MAPKBP1: variants seen among roughly 807,000 people sequenced by gnomAD.
The protein encoded by MAPKBP1 is mitogen-activated protein kinase-binding protein 1.
A neutral mutation model predicts 170.5 loss-of-function variants in MAPKBP1; 71 were observed. The ratio of observed to expected loss-of-function variants is 0.42; its 90% CI spans 0.34 to 0.51. MAPKBP1 has a LOEUF of 0.51. Ranked by LOEUF, MAPKBP1 falls within the 20% of genes least tolerant of loss-of-function variation. MAPKBP1 has a pLI of 0.06. For missense variants in MAPKBP1, 1,598 were observed against 1,933.0 expected, an observed-to-expected ratio of 0.83 and a Z score of 3.25; for synonymous variants, 719 against 757.9, an observed-to-expected ratio of 0.95 and a Z score of 0.84.
intron 2 of MAPKBP1, among the ~76,000 whole-genome samples, chr15:41,776,540 A>G (rs1048700115): frequency 9.2e-5 from 14 of 152,200 alleles, no homozygotes; most frequent in African/African-American, 3.1e-4. Context: ...TCTCTTATTC[A>G]TCATTGTTTC....
intron 21 of MAPKBP1, 44 bp from the exon 22 acceptor site, chr15:41,819,551 G>GGGGGA (rs1555454038): frequency 6.6e-6 from 10 of 1,515,396 alleles, no homozygotes; most frequent in Middle Eastern, 1.8e-4. Context: ...GGGTGGCGGG[G>GGGGGA]GGGGGGCAGG....
rs1596102170 is a variant in MAPKBP1 at position 41,823,962 on chromosome 15, C to T, written c.4114C>T (p.Leu1372Phe). 3 of 1,614,156 alleles carry T rather than the reference C, an allele frequency of 1.9e-6. No homozygotes were observed. The highest frequency in any genetic ancestry group is 2.2e-5 in the East Asian group (1 of 44,872). ...TGCCCAGCAACTGCCAGTCAGCAGC[C>T]TCTTCCAAGGCCCTGAAAACTTGCA... ...PCAQQLPVSS[L>F]FQGPENLQPP... The change falls in exon 29 of 31, where the codon CTC (leucine) becomes TTC (phenylalanine). Residue 1372 changes from leucine to phenylalanine, a missense_variant. Physicochemically the swap from Leu to Phe is conservative, Grantham distance 22. Around this residue, in one of 6 missense-constraint regions of MAPKBP1, gnomAD observed 942 missense variants for 953.2 expected, o/e 0.99. Coordinates refer to ENST00000457542, the MANE Select transcript of MAPKBP1 (RefSeq NM_014994.3).
chr15:41,774,927 C>CA (rs1395297165), intron 1 of MAPKBP1: 30 of 473,226 alleles, frequency 6.3e-5, no homozygotes, highest in Non-Finnish European at 8.1e-5. Context: ...AACTGGGGCC[C>CA]ATCCCATCCA....
chr15:41,800,954 C>T (rs28754734), intron 3 of MAPKBP1, among the ~76,000 whole-genome samples: 42,404 of 150,388 alleles, frequency 0.28, 7,031 homozygotes, highest in Admixed American at 0.37. Context: ...AGGCTAGTTT[C>T]GAACTCCTGG....
intron 3 of MAPKBP1, among the ~76,000 whole-genome samples, chr15:41,803,479 G>A (rs998507965): frequency 6.7e-6 from 1 of 150,056 alleles, no homozygotes. Context: ...GCCAAGGTGG[G>A]AGGATTGCTT....
At position 41,820,877 on chromosome 15, in the gene MAPKBP1, C is replaced by G; in HGVS notation, c.2527C>G (p.Pro843Ala). Residue 843 changes from proline (P) to alanine (A), a missense_variant, in exon 23 of 31, where the codon CCA (proline) becomes GCA (alanine). Pro to Ala is a conservative substitution (Grantham distance 27, BLOSUM62 -1). Coordinates refer to ENST00000457542, the MANE Select transcript of MAPKBP1 (RefSeq NM_014994.3). The stretch of plus-strand genomic sequence containing the variant: ...CCTGGACCCAGCTCCTGCAGCCAAC[C>G]CAGGACCCAGAAGAAGAGGGCGCTG... ...GFLDPAPAANPGPRRRGRWVQ... is the reference protein window; with the variant it reads ...GFLDPAPAANAGPRRRGRWVQ... The G allele has an allele frequency of 6.2e-7, 1 of 1,614,082 alleles. No homozygotes were observed. The highest frequency in any genetic ancestry group is 8.5e-7 in the Non-Finnish European group (1 of 1,179,970).
chr15:41,774,953 G>C (rs2064071854), intron 1 of MAPKBP1: 1 of 477,214 alleles, frequency 2.1e-6, no homozygotes, highest in African/African-American at 2.0e-5. Flanking sequence ...CCAGTTAAAC[G>C]CCTCTGGCGG....
chr15:41,799,054 G>A (rs1045140220), intron 2 of MAPKBP1, among the ~76,000 whole-genome samples: 21 of 152,168 alleles, frequency 1.4e-4, no homozygotes, highest in African/African-American at 3.9e-4. Context: ...AGGTTAGTTC[G>A]TGTGGGTCCT....
At position 41,817,713 on chromosome 15, in the gene MAPKBP1, G is replaced by A; in HGVS notation, c.1882G>A (p.Gly628Ser). 3 of 1,613,934 alleles carry A rather than the reference G, an allele frequency of 1.9e-6. No individual in the cohort carries two copies. The highest frequency in any genetic ancestry group is 2.5e-6 in the Non-Finnish European group (3 of 1,179,912). The change falls in exon 16 of 31, where the codon GGC becomes AGC. Residue 628 changes from glycine to serine, a missense_variant. Transcript: ENST00000457542. This position sits in a 1 kb window ranked among gnomAD's most constrained non-coding sequence, Gnocchi z 4.2. ...GCCCAGCTGGAAGTACACGGCTATC[G>A]GCTGCCAGGACCGAAATATTCGGTG... ...VEPSWKYTAI[G>S]CQDRNIRIFN... is the part of the protein sequence containing the mutation.
intron 2 of MAPKBP1, among the ~76,000 whole-genome samples, chr15:41,780,177 A>G (rs1012694995): frequency 6.6e-6 from 1 of 152,118 alleles, no homozygotes; most frequent in African/African-American, 2.4e-5. Context: ...TCTCTCTTTC[A>G]GTTTGCAATT....
intron 3 of MAPKBP1, among the ~76,000 whole-genome samples, chr15:41,807,222 C>T (rs2064713667): frequency 6.6e-6 from 1 of 151,948 alleles, no homozygotes; most frequent in South Asian, 2.1e-4. Context: ...AGTGTTCCTA[C>T]ACACACACAC....
intron 10 of MAPKBP1, 152 bp from the exon 11 acceptor site, chr15:41,815,107 A>G: frequency 1.2e-6 from 1 of 809,914 alleles, no homozygotes; most frequent in Non-Finnish European, 2.0e-6. Flanking sequence ...GTCATGTTGA[A>G]GGGTATATAC....
chr15:41,821,216 G>A, intron 23 of MAPKBP1, 148 bp downstream of exon 23: 1 of 777,182 alleles, frequency 1.3e-6, no homozygotes, highest in Non-Finnish European at 2.1e-6. Context: ...CAGGATGGGG[G>A]TGGCTGGGCT....
At chr15:41,776,825 TCCA>T (rs2064106465) in intron 2 of MAPKBP1, among the ~76,000 whole-genome samples, 1 of 152,238 alleles carries the variant, frequency 6.6e-6, no homozygotes, top group Non-Finnish European at 1.5e-5. Flanking sequence ...CTTTAAGACT[TCCA>T]ATATCATCCA....
intron 11 of MAPKBP1, 23 bp downstream of exon 11, chr15:41,815,428 C>T: frequency 6.2e-7 from 1 of 1,612,024 alleles, no homozygotes; most frequent in Non-Finnish European, 8.5e-7. Flanking sequence ...GCTGTGGGGC[C>T]CCGCTTCACC....
chr15:41,799,628 CG>C (rs1164040280), intron 2 of MAPKBP1, among the ~76,000 whole-genome samples, 194 bp from the exon 3 acceptor site: 1 of 152,116 alleles, frequency 6.6e-6, no homozygotes, highest in Non-Finnish European at 1.5e-5. Flanking sequence ...AGGTGATGCA[CG>C]CTGGGTTTTT....
At chr15:41,812,219 C>T (rs992001942) in intron 6 of MAPKBP1, 92 bp downstream of exon 6, 3 of 1,490,496 alleles carry the variant, frequency 2.0e-6, no homozygotes, top group African/African-American at 1.4e-5. Flanking sequence ...TGCTCCATTC[C>T]ACCCCACTGA....
At position 41,811,165 on chromosome 15, in the gene MAPKBP1, C is replaced by T; in HGVS notation, c.270-13C>T. 1 of 1,614,150 alleles carries T rather than the reference C, an allele frequency of 6.2e-7. No individual in the cohort carries two copies. The highest frequency in any genetic ancestry group is 1.1e-5 in the South Asian group (1 of 91,078). On this transcript the variant is annotated splice_polypyrimidine_tract_variant and intron_variant, in intron 4 of 30. Transcript: ENST00000457542. Reference sequence around the variant, plus strand: ...CTGCCAGTGCCCCTCTGAGCCTGCCCCATCTCTTGCAGGAAAACCATCACT... The same window carrying T: ...CTGCCAGTGCCCCTCTGAGCCTGCCTCATCTCTTGCAGGAAAACCATCACT...
chr15:41,805,853 C>CA (rs980840769), intron 3 of MAPKBP1, among the ~76,000 whole-genome samples: 24 of 152,130 alleles, frequency 1.6e-4, no homozygotes, highest in African/African-American at 5.6e-4. Context: ...CAGGATCATG[C>CA]AGTGTGTTAG....
Sources: gnomAD v4.1 joint callset for allele counts (sites outside exome capture counted in the v4.1 genomes callset) on GRCh38, gnomAD v4.1.1 for gene constraint, gnomAD v4.1.1 regional missense constraint, Gnocchi (gnomAD v3.1) non-coding constraint, MANE v1.5 for transcripts, NCBI Gene and HGNC (gene_info 2026-07-23, HGNC 2026-07-21) for gene names.